NBN: variants seen among roughly 807,000 people sequenced by gnomAD.
The protein encoded by NBN is Nijmegen breakage syndrome 1 (nibrin).
NBN carries 88 observed loss-of-function variants against 90.8 expected under a neutral mutation model. The observed-to-expected ratio is 0.97, with a 90% CI of 0.82 to 1.16. The LOEUF is 1.16. NBN is among the 50% of genes most tolerant of loss of function. The pLI, the probability that NBN is intolerant of heterozygous loss-of-function variation, is 0.00. For synonymous variants in NBN, 328 were observed against 295.1 expected, an observed-to-expected ratio of 1.11 and a Z score of -1.14; for missense variants, 894 against 869.6, an observed-to-expected ratio of 1.03 and a Z score of -0.35.
rs886063167 is a variant in NBN, at chr8:89,935,459, A to T, written c.*123T>A. On this transcript the variant is annotated 3_prime_UTR_variant, in exon 16 of 16. Coordinates refer to ENST00000265433, the MANE Select transcript of NBN (RefSeq NM_002485.5). ...AAGTTTTGTGCATTTTATTTAATAA[A>T]TTTAGGCCATAAAACATTGTAACTT... 71 of 1,128,208 alleles carry T rather than the reference A, an allele frequency of 6.3e-5. 1 individual carries two copies. Among genetic ancestry groups the T allele is most frequent in the Non-Finnish European group, 8.6e-5 (66 of 770,690 alleles). 69.9% of individuals were successfully genotyped at this position (1,128,208 alleles called of 1,614,324 possible).
At chr8:89,977,567 T>C (rs1006243543) in intron 5 of NBN, among the ~76,000 whole-genome samples, 22 of 152,194 alleles carry the variant, frequency 1.4e-4, no homozygotes, top group Admixed American at 1.4e-3. Context: ...TGGAATGATT[T>C]TTAATCCTTT....
At chr8:89,953,890 C>G (rs1471215773) in intron 10 of NBN, among the ~76,000 whole-genome samples, 199 bp from the exon 11 acceptor site, 1 of 152,128 alleles carries the variant, frequency 6.6e-6, no homozygotes, top group Non-Finnish European at 1.5e-5. Context: ...TTTGATAGAA[C>G]TGACGGACCC....
Position 89,934,180 on chromosome 8 carries a change from T to C in NBN, c.*1402A>G, listed in dbSNP as rs970997751. ...AGCTTCACTTGGTAATTATGATACA[T>C]GGCTATTAAGAGACTCAAATGACTC... On this transcript the variant is annotated 3_prime_UTR_variant, in exon 16 of 16. Transcript: ENST00000265433. The C allele has an allele frequency of 4.3e-6, 1 of 231,468 alleles. No individual in the cohort carries two copies. Among genetic ancestry groups the C allele is most frequent in the Non-Finnish European group, 8.5e-6 (1 of 117,076 alleles). The allele number at this position is 231,468 out of a possible 1,614,324, so 14.3% of individuals were successfully genotyped here.
chr8:89,947,739 C>A, intron 12 of NBN, 85 bp downstream of exon 12: 1 of 758,308 alleles, frequency 1.3e-6, no homozygotes, highest in Non-Finnish European at 2.3e-6. Context: ...GAGAAATAAT[C>A]CTAAGAATGT....
intron 8 of NBN, among the ~76,000 whole-genome samples, chr8:89,961,863 A>G (rs1254075389): frequency 6.6e-6 from 1 of 152,188 alleles, no homozygotes; most frequent in Admixed American, 6.5e-5. Flanking sequence ...GACCATTACT[A>G]GGGCAATTAC....
chr8:89,935,898 A>C (rs927585703), intron 15 of NBN, among the ~76,000 whole-genome samples: 2 of 152,196 alleles, frequency 1.3e-5, no homozygotes, highest in African/African-American at 4.8e-5. Flanking sequence ...GTATGTTTAC[A>C]CTTCTTTCTG....
intron 11 of NBN, among the ~76,000 whole-genome samples, chr8:89,949,395 G>GA (rs774865759): frequency 2.6e-5 from 4 of 152,092 alleles, no homozygotes; most frequent in Non-Finnish European, 4.4e-5. Context: ...ACTGGGTATT[G>GA]AAAAAATGCT....
intron 7 of NBN, 145 bp from the exon 8 acceptor site, chr8:89,964,652 T>C: frequency 5.3e-6 from 4 of 756,562 alleles, no homozygotes; most frequent in Admixed American, 5.5e-5. Context: ...AGTACTATAA[T>C]AGCTTACTCG....
intron 14 of NBN, chr8:89,937,335 C>T: frequency 2.1e-6 from 1 of 475,058 alleles, no homozygotes; most frequent in Non-Finnish European, 3.8e-6. Context: ...ATATTGCTAG[C>T]TTGCTGAGTT....
intron 14 of NBN, among the ~76,000 whole-genome samples, chr8:89,942,068 G>C (rs1157233685): frequency 1.3e-5 from 2 of 152,194 alleles, no homozygotes; most frequent in East Asian, 3.9e-4. Context: ...TGTCTATACG[G>C]GGTATGAGTG....
chr8:89,946,534 G>C, intron 12 of NBN: 1 of 443,398 alleles, frequency 2.3e-6, no homozygotes, highest in Non-Finnish European at 4.1e-6. Context: ...ATCTGTGACA[G>C]AAGGCTAAAA....
rs774989816 is a variant in NBN at position 89,982,773 on chromosome 8, C to A, written c.120G>T (p.Ser40=). The stretch of plus-strand genomic sequence containing the variant: ...TTAACACAGCATGATTTCGGCTGAT[C>A]GACTGATCATTTTCAATCAGAATGG... ...NCAILIENDQ[S]ISRNHAVLTA... Residue 40 remains serine, a synonymous_variant, in exon 2 of 16, where the codon TCG becomes TCT. Coordinates refer to ENST00000265433, the MANE Select transcript of NBN (RefSeq NM_002485.5). The A allele has an allele frequency of 9.3e-6, 15 of 1,613,744 alleles. No individual in the cohort carries two copies. The African/African-American group carries it at 1.1e-4, about 11-fold the overall frequency.
intron 4 of NBN, among the ~76,000 whole-genome samples, chr8:89,979,549 T>G (rs1276152794): frequency 6.6e-6 from 1 of 150,934 alleles, no homozygotes; most frequent in Admixed American, 6.6e-5. Flanking sequence ...TGTTGTTGTT[T>G]TTAAGTAGCT....
At chr8:89,954,229 T>G (rs1245953386) in intron 10 of NBN, among the ~76,000 whole-genome samples, 1 of 152,066 alleles carries the variant, frequency 6.6e-6, no homozygotes, top group Non-Finnish European at 1.5e-5. Context: ...TACCAAACAC[T>G]TTATGCAAAC....
intron 1 of NBN, among the ~76,000 whole-genome samples, chr8:89,983,607 T>TA (rs1008924023): frequency 2.6e-5 from 4 of 152,244 alleles, no homozygotes; most frequent in African/African-American, 9.6e-5. Flanking sequence ...AATTTGTTTT[T>TA]ATCTTAAAGA....
intron 1 of NBN, chr8:89,984,133 A>T: frequency 2.9e-6 from 1 of 345,936 alleles, no homozygotes. Context: ...TTCACAAGTC[A>T]TGTGTGGCCC....
chr8:89,966,692 G>T (rs1017174475), intron 7 of NBN, among the ~76,000 whole-genome samples: 54 of 152,190 alleles, frequency 3.5e-4, no homozygotes, highest in African/African-American at 1.3e-3. Flanking sequence ...GATTCTAAAT[G>T]TAAATGAAAA....
In NBN at chr8:89,981,479, A is replaced by G. The variant is rs1563581236; in HGVS notation, c.216T>C (p.Ser72=). 6.2e-7 allele frequency: 1 copy of G among 1,613,458 alleles called. No homozygotes were observed. The highest frequency in any genetic ancestry group is 1.7e-5 in the Admixed American group (1 of 60,016). Residue 72 remains serine, a synonymous_variant, in exon 3 of 16, where the codon TCT becomes TCC. Coordinates refer to ENST00000265433, the MANE Select transcript of NBN (RefSeq NM_002485.5). ...EIPVLTLKDN[S]KYGTFVNEEK... The stretch of plus-strand genomic sequence containing the variant: ...CCTCATTAACAAAGGTACCATACTT[A>G]GAATTATCTTTTAATGTCAATACAG...
intron 8 of NBN, among the ~76,000 whole-genome samples, chr8:89,960,414 A>G (rs990186109): frequency 2.6e-5 from 4 of 152,058 alleles, no homozygotes; most frequent in African/African-American, 9.7e-5. Flanking sequence ...CTTTGGGAGG[A>G]TGAGGCAAGA....
Sources: gnomAD v4.1 joint callset for allele counts (sites outside exome capture counted in the v4.1 genomes callset) on GRCh38, gnomAD v4.1.1 for gene constraint, MANE v1.5 for transcripts, NCBI Gene and HGNC (gene_info 2026-07-23, HGNC 2026-07-21) for gene names.